MGMT: variants seen among roughly 807,000 people sequenced by gnomAD.
MGMT encodes O-6-methylguanine-DNA methyltransferase.
MGMT carries 14 observed loss-of-function variants against 15.9 expected under a neutral mutation model. The observed-to-expected ratio is 0.88, with a 90% CI of 0.58 to 1.37. The LOEUF is 1.37. MGMT is among the 40% of genes most tolerant of loss of function. The pLI is 0.00. For missense variants in MGMT, 282 were observed against 268.1 expected, an observed-to-expected ratio of 1.05 and a Z score of -0.36; for synonymous variants, 130 against 118.2, an observed-to-expected ratio of 1.10 and a Z score of -0.65.
chr10:129,646,754 A>ATATATATATTTTTTTT, intron 2 of MGMT, among the ~76,000 whole-genome samples: 4 of 86,668 alleles, frequency 4.6e-5, no homozygotes, highest in African/African-American at 1.2e-4. Context: ...ATATATATAT[A>ATATATATATTTTTTTT]TTTTCAGGGA....
chr10:129,582,836 T>C (rs1274078677), intron 2 of MGMT, among the ~76,000 whole-genome samples: 2 of 152,200 alleles, frequency 1.3e-5, no homozygotes, highest in Admixed American at 6.5e-5. Context: ...GGCGACTTCA[T>C]ATTGACTGCA....
intron 3 of MGMT, among the ~76,000 whole-genome samples, chr10:129,754,389 T>C (rs1344324951): frequency 6.6e-6 from 1 of 152,048 alleles, no homozygotes; most frequent in East Asian, 1.9e-4. Context: ...TTCGCCCACC[T>C]CTTAGGGGGA....
At chr10:129,603,948 T>G (rs2133063331) in intron 2 of MGMT, among the ~76,000 whole-genome samples, 1 of 152,332 alleles carries the variant, frequency 6.6e-6, no homozygotes, top group Admixed American at 6.5e-5. Flanking sequence ...TCCTGAGCAG[T>G]GGAGGGCTGG....
rs1187251186 is a variant in MGMT, at chr10:129,532,714, C to T, written c.-12-3527C>T. The stretch of plus-strand genomic sequence containing the variant: ...CAGAATGGCGTGACAGCCCTTCCAG[C>T]CCGTCACGGTGTGTAGTGCCCAAAG... On this transcript the variant is annotated intron_variant, in intron 1 of 4. Transcript: ENST00000651593. This position sits in a 1 kb window ranked among gnomAD's most constrained non-coding sequence, Gnocchi z 5.3. 3.9e-5 allele frequency among the ~76,000 whole-genome samples: 6 copies of T among 152,154 alleles called. No homozygotes were observed. Among genetic ancestry groups the T allele is most frequent in the Non-Finnish European group, 8.8e-5 (6 of 68,034 alleles).
chr10:129,671,554 A>G (rs1847723995), intron 2 of MGMT, among the ~76,000 whole-genome samples: 1 of 152,190 alleles, frequency 6.6e-6, no homozygotes, highest in South Asian at 2.1e-4. Flanking sequence ...CCGGCCCACA[A>G]AACACAATAT....
intron 3 of MGMT, among the ~76,000 whole-genome samples, chr10:129,713,930 C>T (rs1848262518): frequency 6.6e-6 from 1 of 152,238 alleles, no homozygotes; most frequent in African/African-American, 2.4e-5. Flanking sequence ...CCCATTGATG[C>T]TGTTCCCTTC....
At chr10:129,613,495 C>T (rs1211921431) in intron 2 of MGMT, among the ~76,000 whole-genome samples, 2 of 152,146 alleles carry the variant, frequency 1.3e-5, no homozygotes, top group African/African-American at 2.4e-5. Context: ...CCCTGTAGGA[C>T]CCTAGTCTGT....
rs1482370951 is a variant in MGMT at position 129,532,091 on chromosome 10, A to AT, written c.-12-4148dup. 1.2e-4 allele frequency among the ~76,000 whole-genome samples: 19 copies of AT among 152,262 alleles called. No individual in the cohort carries two copies. The highest frequency in any genetic ancestry group is 2.2e-4 in the Non-Finnish European group (15 of 68,012). On this transcript the variant is annotated intron_variant, in intron 1 of 4. Coordinates refer to ENST00000651593, the MANE Select transcript of MGMT (RefSeq NM_002412.5). The surrounding 1 kb of genome is among the most constrained non-coding windows in gnomAD (Gnocchi z 5.3). ...CCCCCAGCTCCCTGCTTTGTGATTG[A>AT]TTCAGTGTGTTCCCATGGCTTCAGG...
chr10:129,541,906 G>C (rs1238135027), intron 2 of MGMT, among the ~76,000 whole-genome samples: 1 of 152,180 alleles, frequency 6.6e-6, no homozygotes, highest in Admixed American at 6.5e-5. Context: ...GATTGAGGCT[G>C]GGTGGGGCAT....
chr10:129,657,674 A>AACACACACACACACACACACACACAC (rs60284981), intron 2 of MGMT, among the ~76,000 whole-genome samples: 1 of 93,512 alleles, frequency 1.1e-5, no homozygotes, highest in African/African-American at 3.6e-5. Context: ...CAGCTCCTCC[A>AACACACACACACACACACACACACAC]ACACACACAC....
At chr10:129,723,385 G>A (rs1848395922) in intron 3 of MGMT, among the ~76,000 whole-genome samples, 1 of 152,036 alleles carries the variant, frequency 6.6e-6, no homozygotes, top group South Asian at 2.1e-4. Context: ...TATTCACCAT[G>A]ACCTTGACCT....
intron 1 of MGMT, among the ~76,000 whole-genome samples, chr10:129,480,571 A>G (rs1465062391): frequency 4.6e-5 from 7 of 152,184 alleles, no homozygotes; most frequent in Non-Finnish European, 1.0e-4. Flanking sequence ...GTATTCTAAC[A>G]TTTTAATCAT....
At chr10:129,625,294 A>T (rs764881439) in intron 2 of MGMT, among the ~76,000 whole-genome samples, 10 of 152,248 alleles carry the variant, frequency 6.6e-5, no homozygotes, top group Non-Finnish European at 1.5e-4. Flanking sequence ...TTAAGGAAGA[A>T]GTAATTCCAA....
intron 2 of MGMT, among the ~76,000 whole-genome samples, chr10:129,562,725 G>A (rs1463890366): frequency 6.6e-6 from 1 of 152,184 alleles, no homozygotes; most frequent in African/African-American, 2.4e-5. Flanking sequence ...TCGGCCACAC[G>A]TGGCTGTGGG....
rs1245295379 is a variant in MGMT at position 129,770,899 on chromosome 10, C to CCCTCAGA, written c.*3912_*3918dup. On this transcript the variant is annotated 3_prime_UTR_variant, in exon 5 of 5. Coordinates refer to ENST00000651593, the MANE Select transcript of MGMT (RefSeq NM_002412.5). ...GGTGGGGGATTTAAATTTTTGGCTTCCCTCAGACCTCAGACCGTGTGGGTT... is the reference window on the plus strand; with the variant it reads ...GGTGGGGGATTTAAATTTTTGGCTTCCCTCAGACCTCAGACCTCAGACCGTGTGGGTT... Among the ~76,000 whole-genome samples, 1 of 151,556 alleles carries CCCTCAGA rather than the reference C, an allele frequency of 6.6e-6. No homozygotes were observed. The highest frequency in any genetic ancestry group is 2.0e-4 in the East Asian group (1 of 5,122).
intron 1 of MGMT, among the ~76,000 whole-genome samples, chr10:129,499,225 A>G (rs902505832): frequency 2.6e-5 from 4 of 152,218 alleles, no homozygotes; most frequent in Admixed American, 6.5e-5. Flanking sequence ...CTTGGTGGAA[A>G]AAGTCACAGA....
chr10:129,576,656 A>G (rs1332377425), intron 2 of MGMT, among the ~76,000 whole-genome samples: 1 of 152,204 alleles, frequency 6.6e-6, no homozygotes, highest in Non-Finnish European at 1.5e-5. Context: ...CACCACTCCT[A>G]TTCAACATAG....
intron 2 of MGMT, among the ~76,000 whole-genome samples, chr10:129,652,108 G>A (rs1046412889): frequency 6.6e-6 from 1 of 152,180 alleles, no homozygotes; most frequent in African/African-American, 2.4e-5. Context: ...ATGTGGAGGG[G>A]CTTGTGTGAA....
At chr10:129,538,925 C>T (rs917411904) in intron 2 of MGMT, among the ~76,000 whole-genome samples, 2 of 152,182 alleles carry the variant, frequency 1.3e-5, no homozygotes, top group African/African-American at 4.8e-5. Context: ...TGAGCCACTG[C>T]GCCTGGCCAC....
Sources: allele counts gnomAD v4.1 joint callset (sites outside exome capture counted in the v4.1 genomes callset), GRCh38; gene constraint gnomAD v4.1.1; non-coding constraint Gnocchi (gnomAD v3.1); transcripts MANE v1.5; gene names NCBI Gene and HGNC (gene_info 2026-07-23, HGNC 2026-07-21).